Variants in ITGAX observed in about 807,000 individuals in gnomAD.
The protein encoded by ITGAX is integrin subunit alpha X.
A neutral mutation model predicts 140.2 loss-of-function variants in ITGAX; 99 were observed. The ratio of observed to expected loss-of-function variants is 0.71; its 90% CI spans 0.60 to 0.83. ITGAX has a LOEUF of 0.83. Ranked by LOEUF, ITGAX falls within the 40% of genes least tolerant of loss-of-function variation. The pLI is 0.00. For missense variants in ITGAX, 1,444 were observed against 1,482.0 expected (o/e 0.97, Z 0.42); for synonymous variants, 631 against 600.4 (o/e 1.05, Z -0.75).
chr16:31,357,248 C>A lies in ITGAX; in HGVS notation c.319-5C>A. 6.3e-7 allele frequency: 1 copy of A among 1,597,730 alleles called. No individual in the cohort carries two copies. The stretch of plus-strand genomic sequence containing the variant: ...CAGCCCCCCAGCAGCCCGCTGTGTC[C>A]CCAGGCCTGCGGCCCCACCGTGCAC... On this transcript the variant is annotated splice_region_variant and splice_polypyrimidine_tract_variant and intron_variant, in intron 4 of 29. Coordinates refer to ENST00000268296, the MANE Select transcript of ITGAX (RefSeq NM_000887.5).
At chr16:31,369,634 C>A (rs1046191125) in intron 14 of ITGAX, among the ~76,000 whole-genome samples, 3 of 152,132 alleles carry the variant, frequency 2.0e-5, no homozygotes, top group Non-Finnish European at 4.4e-5. Context: ...AAGGCTTAAA[C>A]GATTGTTAGC....
intron 14 of ITGAX, among the ~76,000 whole-genome samples, chr16:31,367,387 G>T (rs762350477): frequency 6.6e-6 from 1 of 152,216 alleles, no homozygotes; most frequent in African/African-American, 2.4e-5. Context: ...AGAAGTCAAT[G>T]CCTGGCTTCA....
At position 31,380,022 on chromosome 16, in the gene ITGAX, C is replaced by T. The variant is rs758645822; in HGVS notation, c.3017C>T (p.Pro1006Leu). The T allele has an allele frequency of 1.9e-6, 3 of 1,614,088 alleles. No individual in the cohort carries two copies. The highest frequency in any genetic ancestry group is 2.7e-5 in the African/African-American group (2 of 74,928). The part of the protein sequence containing the change: ...LRCSSEKIAP[P>L]ASDFLAHIQK... ...TGCTCCTCAGAGAAAATCGCACCCCCAGCATCTGACTTCCTGGCGCACATT... is the reference window on the plus strand; with the variant it reads ...TGCTCCTCAGAGAAAATCGCACCCCTAGCATCTGACTTCCTGGCGCACATT... Residue 1006 changes from proline to leucine, a missense_variant, in exon 26 of 30, where the codon CCA (proline) becomes CTA (leucine). Physicochemically the swap from Pro to Leu is moderately conservative, Grantham distance 98. Transcript: ENST00000268296.
chr16:31,371,014 C>T, intron 14 of ITGAX, 70 bp from the exon 15 acceptor site: 6 of 1,596,970 alleles, frequency 3.8e-6, no homozygotes, highest in Middle Eastern at 2.2e-4. Flanking sequence ...CCTCCATATT[C>T]CCCTTGTTAC....
In ITGAX at chr16:31,356,712, G is replaced by A; in HGVS notation, c.231G>A (p.Glu77=). Reference sequence around the variant, plus strand: ...GTGGCTACAGCACTGGTGCCTGTGAGCCCATCGGCCTGCAGGGTGAGTCAC... The same window carrying A: ...GTGGCTACAGCACTGGTGCCTGTGAACCCATCGGCCTGCAGGGTGAGTCAC... ...YQCGYSTGAC[E]PIGLQVPPEA... is the part of the protein sequence containing the mutation. The change falls in exon 3 of 30, where the codon GAG becomes GAA. Residue 77 remains glutamate (E), a synonymous_variant. Coordinates refer to ENST00000268296, the MANE Select transcript of ITGAX (RefSeq NM_000887.5). The A allele has an allele frequency of 6.3e-7, 1 of 1,589,944 alleles. No homozygotes were observed. Among genetic ancestry groups the A allele is most frequent in the Non-Finnish European group, 8.6e-7 (1 of 1,169,580 alleles).
intron 1 of ITGAX, among the ~76,000 whole-genome samples, chr16:31,355,672 G>A (rs2080751515): frequency 6.6e-6 from 1 of 152,160 alleles, no homozygotes; most frequent in Non-Finnish European, 1.5e-5. Context: ...CCTGGGTACT[G>A]CTCTGCAGAA....
At position 31,356,064 on chromosome 16, in the gene ITGAX, C is replaced by A. The variant is rs2080757038; in HGVS notation, c.143+66C>A. ...TCTCCCTGCTCAGGGCCCCATGCCC[C>A]CGGCCCTGCCCTGTTATTTGCAAAC... is the stretch of plus-strand genomic sequence containing the variant. On this transcript the variant is annotated intron_variant, in intron 2 of 29. Coordinates refer to ENST00000268296, the MANE Select transcript of ITGAX (RefSeq NM_000887.5). 2.7e-6 allele frequency: 3 copies of A among 1,107,368 alleles called. No individual in the cohort carries two copies. The East Asian group carries it at 7.3e-5, about 27-fold the overall frequency. The allele number at this position is 1,107,368 out of a possible 1,614,324, so 68.6% of individuals were successfully genotyped here. A position where few individuals can be genotyped will look rare whatever the true frequency, so the allele number is the denominator to read the frequency against.
At chr16:31,358,370 G>A (rs1485793259) in intron 5 of ITGAX, 2 of 152,234 alleles carry the variant, frequency 1.3e-5, no homozygotes, top group Non-Finnish European at 2.9e-5. Context: ...AGGCAAGAGG[G>A]TTGTTTGAGG....
chr16:31,372,311 C>T (rs1335941029), intron 17 of ITGAX, 67 bp from the exon 18 acceptor site: 9 of 1,545,860 alleles, frequency 5.8e-6, no homozygotes, highest in South Asian at 2.4e-5. Flanking sequence ...ATAAGAACTG[C>T]GGATGAGGCC....
intron 8 of ITGAX, 167 bp from the exon 9 acceptor site, chr16:31,360,896 T>G (rs2080817227): frequency 1.6e-6 from 1 of 639,570 alleles, no homozygotes; most frequent in Non-Finnish European, 2.7e-6. Flanking sequence ...CTGGAGACCA[T>G]GATCCTTTCT....
chr16:31,360,549 A>G, intron 8 of ITGAX, 86 bp downstream of exon 8: 1 of 1,297,042 alleles, frequency 7.7e-7, no homozygotes, highest in Non-Finnish European at 1.1e-6. Flanking sequence ...TCTCTTTGAG[A>G]CAGGGTCTTG....
intron 14 of ITGAX, among the ~76,000 whole-genome samples, chr16:31,370,759 G>A (rs2080947229): frequency 1.3e-5 from 2 of 152,122 alleles, no homozygotes; most frequent in South Asian, 4.1e-4. Flanking sequence ...TGAAAGATGA[G>A]GAAACGGAGG....
intron 14 of ITGAX, among the ~76,000 whole-genome samples, chr16:31,365,791 C>T (rs753450432): frequency 2.0e-5 from 3 of 152,170 alleles, no homozygotes; most frequent in Non-Finnish European, 4.4e-5. Context: ...TGCGTAATGG[C>T]GCATGCCTAT....
rs377284317 is a variant in ITGAX, at chr16:31,355,271, C to G, written c.17C>G (p.Ala6Gly). The G allele has an allele frequency of 1.2e-6, 2 of 1,613,898 alleles. No homozygotes were observed. The highest frequency in any genetic ancestry group is 1.7e-6 in the Non-Finnish European group (2 of 1,180,004). Residue 6 changes from alanine to glycine, a missense_variant, in exon 1 of 30, where the codon GCA becomes GGA. Ala to Gly is a moderately conservative substitution (Grantham distance 60, BLOSUM62 0). Transcript: ENST00000268296. ...CTTCTAGTCATGACCAGGACCAGGG[C>G]AGCACTCCTCCTGTTCACAGGTGAG... MTRTR[A>G]ALLLFTALAT...
chr16:31,380,421 C>A (rs553309118), intron 27 of ITGAX, 42 bp downstream of exon 27: 7 of 1,610,100 alleles, frequency 4.3e-6, no homozygotes, highest in Non-Finnish European at 5.9e-6. Context: ...CAGACTCAGG[C>A]GGGACCTGGC....
At chr16:31,371,889 A>G in intron 17 of ITGAX, 105 bp downstream of exon 17, 1 of 1,368,150 alleles carries the variant, frequency 7.3e-7, no homozygotes, top group South Asian at 1.4e-5. Flanking sequence ...TCAGCCCAGC[A>G]CAGGACCAGC....
chr16:31,380,419 G>T (rs1304402093), intron 27 of ITGAX, 40 bp downstream of exon 27: 26 of 1,611,376 alleles, frequency 1.6e-5, no homozygotes, highest in Non-Finnish European at 2.2e-5. Flanking sequence ...CCCAGACTCA[G>T]GCGGGACCTG....
At chr16:31,365,574 C>T (rs1347382872) in intron 14 of ITGAX, among the ~76,000 whole-genome samples, 3 of 152,168 alleles carry the variant, frequency 2.0e-5, no homozygotes, top group Non-Finnish European at 4.4e-5. Context: ...GCATGAAGTG[C>T]CTGGCACACA....
In ITGAX at chr16:31,379,856, C is replaced by T. The variant is rs372142808; in HGVS notation, c.2968C>T (p.His990Tyr). The change falls in exon 25 of 30, where the codon CAC becomes TAC. Residue 990 changes from histidine (H) to tyrosine (Y), a missense_variant. Physicochemically the swap from His to Tyr is moderately conservative, Grantham distance 83. Transcript: ENST00000268296. ...TGTGTGGATGGATGTGGAGGTCTCC[C>T]ACCCCCAGGTACCCAAGGACTGCAT... ...EAVWMDVEVS[H>Y]PQNPSLRCSS... The T allele has an allele frequency of 3.7e-6, 6 of 1,613,804 alleles. No individual in the cohort carries two copies. Among genetic ancestry groups the T allele is most frequent in the African/African-American group, 2.7e-5 (2 of 74,900 alleles).
Sources: gnomAD v4.1 joint callset for allele counts (sites outside exome capture counted in the v4.1 genomes callset) on GRCh38, gnomAD v4.1.1 for gene constraint, MANE v1.5 for transcripts, NCBI Gene and HGNC (gene_info 2026-07-23, HGNC 2026-07-21) for gene names.